Variants in ODR4 observed in about 807,000 individuals in gnomAD.
The protein encoded by ODR4 is protein odr-4 homolog.
ODR4 carries 47 observed loss-of-function variants against 60.2 expected under a neutral mutation model. That is an observed-to-expected ratio of 0.78 (90% CI 0.62 to 1.00). The LOEUF (loss-of-function observed/expected upper bound fraction) is 1.00, where lower values mean the gene tolerates loss of function less well. Ranked by LOEUF, ODR4 falls within the 50% of genes least tolerant of loss-of-function variation. The pLI, the probability that ODR4 is intolerant of heterozygous loss-of-function variation, is 0.00. For synonymous variants in ODR4, 178 were observed against 175.5 expected (o/e 1.01, Z -0.11); for missense variants, 488 against 530.8 (o/e 0.92, Z 0.79).
intron 9 of ODR4, among the ~76,000 whole-genome samples, chr1:186,395,934 C>T (rs1571678580): frequency 6.6e-6 from 1 of 152,160 alleles, no homozygotes; most frequent in Non-Finnish European, 1.5e-5. Flanking sequence ...TTCTTCATAG[C>T]CTCAGCATAC....
intron 12 of ODR4, among the ~76,000 whole-genome samples, chr1:186,415,448 TTC>T (rs989493318): frequency 5.3e-5 from 8 of 152,100 alleles, no homozygotes; most frequent in African/African-American, 1.9e-4. Flanking sequence ...CTCTCTTGAG[TTC>T]TCTCTCTCTT....
At chr1:186,402,968 A>C (rs1661041661) in intron 11 of ODR4, among the ~76,000 whole-genome samples, 1 of 152,208 alleles carries the variant, frequency 6.6e-6, no homozygotes. Flanking sequence ...AAGGCCCCTA[A>C]TAAAATTGGT....
intron 2 of ODR4, among the ~76,000 whole-genome samples, chr1:186,381,472 C>T (rs1187761195): frequency 6.6e-6 from 1 of 152,054 alleles, no homozygotes; most frequent in Non-Finnish European, 1.5e-5. Flanking sequence ...GGACTACAGG[C>T]GCCCGCCACC....
At chr1:186,424,271 G>A (rs1661847506), downstream of ODR4, among the ~76,000 whole-genome samples, 1 of 152,180 alleles carries the variant, frequency 6.6e-6, no homozygotes, top group Admixed American at 6.5e-5. Flanking sequence ...AGTCTCAGAA[G>A]TCTACATACA....
intron 4 of ODR4, among the ~76,000 whole-genome samples, chr1:186,386,476 G>T (rs765203823): frequency 2.6e-5 from 4 of 151,940 alleles, no homozygotes; most frequent in African/African-American, 7.3e-5. Context: ...TGTAAATTAT[G>T]CAAACAAATA....
the ODR4 span, among the ~76,000 whole-genome samples, chr1:186,430,807 T>C: frequency 1.3e-5 from 2 of 151,730 alleles, no homozygotes; most frequent in Non-Finnish European, 2.9e-5. Context: ...TCTCAATAAA[T>C]AGTGCTTTAC....
intron 5 of ODR4, 103 bp downstream of exon 5, chr1:186,388,651 A>T: frequency 1.6e-6 from 1 of 610,286 alleles, no homozygotes; most frequent in Non-Finnish European, 2.7e-6. Flanking sequence ...AAAAATAGGC[A>T]TAGTTTTGTA....
chr1:186,402,238 T>TCTTTCTTTCTTTCTTTCCTTC (rs1661006919), intron 11 of ODR4, among the ~76,000 whole-genome samples: 1 of 145,568 alleles, frequency 6.9e-6, no homozygotes, highest in Non-Finnish European at 1.5e-5. Context: ...TTCTTTCCTT[T>TCTTTCTTTCTTTCTTTCCTTC]CTTTCTTTCT....
Position 186,419,085 on chromosome 1 carries a change from A to G in ODR4, c.*9A>G. ...ATTACTTCAGTGATTAGGGTGAGGC[A>G]CAAAGAGTTTCTTGATCATCCAGAG... On this transcript the variant is annotated 3_prime_UTR_variant, in exon 14 of 14. Transcript: ENST00000287859. 3 of 1,605,450 alleles carry G rather than the reference A, an allele frequency of 1.9e-6. No homozygotes were observed. Among genetic ancestry groups the G allele is most frequent in the Non-Finnish European group, 2.6e-6 (3 of 1,174,442 alleles).
the ODR4 span, among the ~76,000 whole-genome samples, chr1:186,432,868 C>T: frequency 6.6e-6 from 1 of 151,692 alleles, no homozygotes; most frequent in Non-Finnish European, 1.5e-5. Flanking sequence ...TCACTGCAAC[C>T]TCCACTTCCT....
At chr1:186,390,464 T>C (rs1660420576) in intron 6 of ODR4, among the ~76,000 whole-genome samples, 1 of 152,184 alleles carries the variant, frequency 6.6e-6, no homozygotes, top group South Asian at 2.1e-4. Context: ...TGGAAATTTC[T>C]GATTCTTTTT....
At chr1:186,388,629 AATC>A in intron 5 of ODR4, 81 bp downstream of exon 5, 1 of 790,518 alleles carries the variant, frequency 1.3e-6, no homozygotes. Flanking sequence ...TATTTATTTA[AATC>A]ATCATTTAAA....
chr1:186,403,437 A>G (rs906409663), intron 11 of ODR4, among the ~76,000 whole-genome samples: 1 of 152,078 alleles, frequency 6.6e-6, no homozygotes, highest in African/African-American at 2.4e-5. Flanking sequence ...TTTAGATTTT[A>G]TCCTCATTTT....
chr1:186,377,698 C>T (rs1659840019), intron 1 of ODR4, among the ~76,000 whole-genome samples: 1 of 152,136 alleles, frequency 6.6e-6, no homozygotes, highest in South Asian at 2.1e-4. Context: ...CATTCCTAGA[C>T]TTAGTCTCTA....
downstream of ODR4, among the ~76,000 whole-genome samples, chr1:186,423,231 TG>T (rs1661825212): frequency 1.3e-5 from 2 of 152,108 alleles, no homozygotes; most frequent in Non-Finnish European, 2.9e-5. Context: ...AGGGAATACT[TG>T]CCAGCATATT....
intron 3 of ODR4, among the ~76,000 whole-genome samples, chr1:186,383,678 G>GATAGATATATATATATATATATAT (rs1553234312): frequency 7.1e-6 from 1 of 140,726 alleles, no homozygotes; most frequent in African/African-American, 2.6e-5. Context: ...TGTGTATGTA[G>GATAGATATATATATATATATATAT]ATATATATAT....
intron 11 of ODR4, among the ~76,000 whole-genome samples, chr1:186,400,192 G>A (rs1163240853): frequency 1.3e-5 from 2 of 149,986 alleles, no homozygotes; most frequent in Non-Finnish European, 1.5e-5. Context: ...GGGTTTCACC[G>A]TGTTAGCCAG....
intron 12 of ODR4, among the ~76,000 whole-genome samples, chr1:186,415,117 G>GT (rs1661514823): frequency 6.6e-6 from 1 of 150,634 alleles, no homozygotes; most frequent in South Asian, 2.1e-4. Flanking sequence ...GGGTTTTTTT[G>GT]TTTTTTGTTT....
downstream of ODR4, among the ~76,000 whole-genome samples, chr1:186,423,140 T>G (rs1374630137): frequency 6.6e-6 from 1 of 152,170 alleles, no homozygotes. Context: ...ATAATTAACT[T>G]TTTGACAAGA....
Sources: gnomAD v4.1 joint callset for allele counts (sites outside exome capture counted in the v4.1 genomes callset) on GRCh38, gnomAD v4.1.1 for gene constraint, MANE v1.5 for transcripts, NCBI Gene and HGNC (gene_info 2026-07-23, HGNC 2026-07-21) for gene names.